MYO18A: variants seen among roughly 807,000 people sequenced by gnomAD.
MYO18A encodes the protein myosin XVIIIA.
Under a neutral mutation model 235.8 loss-of-function variants are expected in MYO18A, and 78 were observed. The ratio of observed to expected loss-of-function variants is 0.33; its 90% CI spans 0.28 to 0.40. MYO18A has a LOEUF of 0.40. MYO18A is among the 10% of genes least tolerant of loss of function. MYO18A has a pLI of 1.00. For missense variants in MYO18A, 2,215 were observed against 2,699.3 expected (o/e 0.82, Z 3.98); for synonymous variants, 977 against 1,077.8 (o/e 0.91, Z 1.83).
At chr17:29,139,508 A>T (rs2067684880) in intron 2 of MYO18A, among the ~76,000 whole-genome samples, 1 of 152,040 alleles carries the variant, frequency 6.6e-6, no homozygotes, top group Non-Finnish European at 1.5e-5. Flanking sequence ...GAGCACAGAG[A>T]GATACAAGTA....
At chr17:29,150,010 C>G (rs1181795534) in intron 2 of MYO18A, among the ~76,000 whole-genome samples, 1 of 152,220 alleles carries the variant, frequency 6.6e-6, no homozygotes, top group Non-Finnish European at 1.5e-5. Flanking sequence ...AAAAAGGAAG[C>G]CAGCTTAAGG....
At chr17:29,080,490 A>G (rs879291726) in intron 41 of MYO18A, 150 of 985,998 alleles carry the variant, frequency 1.5e-4, no homozygotes, top group Admixed American at 1.8e-4. Flanking sequence ...GGCGAGAATC[A>G]GGGCTCTCCC....
chr17:29,098,122 C>T lies in MYO18A; in HGVS notation c.3973G>A (p.Glu1325Lys). 6.2e-7 allele frequency: 1 copy of T among 1,613,628 alleles called. No individual in the cohort carries two copies. The highest frequency in any genetic ancestry group is 8.5e-7 in the Non-Finnish European group (1 of 1,179,886). Residue 1325 changes from glutamate (E) to lysine (K), a missense_variant, in exon 25 of 42, where the codon GAG (glutamate) becomes AAG (lysine). Physicochemically the swap from Glu to Lys is moderately conservative, Grantham distance 56. Coordinates refer to ENST00000527372, the MANE Select transcript of MYO18A (RefSeq NM_078471.4). ...ETAERLRAEK[E>K]MKELQTQYDA... is the part of the protein sequence containing the mutation. ...GCCCTCACCTGCAGTTCCTTCATCT[C>T]CTTCTCAGCCCGGAGCCTCTCTGCT...
At chr17:29,090,298 G>C (rs919823736) in intron 36 of MYO18A, 200 bp from the exon 37 acceptor site, 10 of 698,728 alleles carry the variant, frequency 1.4e-5, no homozygotes, top group Non-Finnish European at 2.3e-5. Flanking sequence ...CCTTCAGAGA[G>C]AAAGGAGAAA....
chr17:29,129,489 G>C (rs2067408590), intron 2 of MYO18A, among the ~76,000 whole-genome samples: 1 of 152,206 alleles, frequency 6.6e-6, no homozygotes, highest in South Asian at 2.1e-4. Flanking sequence ...GGCCAGGCTG[G>C]CTAACGGCAG....
intron 7 of MYO18A, 28 bp from the exon 8 acceptor site, chr17:29,119,463 A>C: frequency 6.4e-7 from 1 of 1,570,324 alleles, no homozygotes; most frequent in Admixed American, 1.8e-5. Context: ...CGTGTGGGTA[A>C]GGAGGGTAGT....
chr17:29,139,427 C>G (rs2067682161), intron 2 of MYO18A, among the ~76,000 whole-genome samples: 1 of 152,142 alleles, frequency 6.6e-6, no homozygotes, highest in African/African-American at 2.4e-5. Context: ...TGACCTCTCC[C>G]CCACCCCCGG....
At position 29,095,091 on chromosome 17, in the gene MYO18A, G is replaced by C. The variant is rs749884269; in HGVS notation, c.4386-32C>G. On this transcript the variant is annotated intron_variant, in intron 28 of 41. Transcript: ENST00000527372. ...GGGAGTGTGGCGGCTCCATCAGATG[G>C]GGAAGAGCCAGGGTCCCCCACACAG... 2.5e-5 allele frequency: 38 copies of C among 1,498,504 alleles called. 2 individuals are homozygous for C. In the South Asian group the frequency reaches 5.0e-4, roughly 20 times the overall value. 92.8% of individuals were successfully genotyped at this position (1,498,504 alleles called of 1,614,324 possible). A position where few individuals can be genotyped will look rare whatever the true frequency, so the allele number is the denominator to read the frequency against.
chr17:29,146,093 A>C (rs909698205), intron 2 of MYO18A, among the ~76,000 whole-genome samples: 7 of 152,208 alleles, frequency 4.6e-5, no homozygotes, highest in Non-Finnish European at 8.8e-5. Flanking sequence ...CCCCGTCTCT[A>C]CTAAAAATAC....
chr17:29,124,996 G>A (rs947693484), intron 2 of MYO18A, among the ~76,000 whole-genome samples: 10 of 152,174 alleles, frequency 6.6e-5, no homozygotes, highest in Non-Finnish European at 8.8e-5. Context: ...GCCTCTGGCC[G>A]CAGTCTCTCC....
At chr17:29,080,962 G>T in intron 41 of MYO18A, 5 of 985,492 alleles carry the variant, frequency 5.1e-6, no homozygotes, top group Non-Finnish European at 6.0e-6. Flanking sequence ...CACCACCGAG[G>T]ACGGCCTCTC....
intron 41 of MYO18A, 154 bp from the exon 42 acceptor site, chr17:29,075,068 T>C: frequency 1.2e-6 from 1 of 812,752 alleles, no homozygotes; most frequent in Non-Finnish European, 1.9e-6. Context: ...ACTTAGAAGA[T>C]ACTCAAAATG....
intron 31 of MYO18A, 38 bp downstream of exon 31, chr17:29,093,942 G>T: frequency 7.0e-7 from 1 of 1,437,834 alleles, no homozygotes; most frequent in Non-Finnish European, 9.6e-7. Context: ...ATGGGAACAG[G>T]TGTTTACGCT....
At chr17:29,149,610 C>T (rs1232245511) in intron 2 of MYO18A, among the ~76,000 whole-genome samples, 2 of 152,232 alleles carry the variant, frequency 1.3e-5, no homozygotes, top group African/African-American at 4.8e-5. Context: ...CTGCCAAGAC[C>T]CTGAGTCAAT....
intron 2 of MYO18A, among the ~76,000 whole-genome samples, chr17:29,130,478 A>T (rs778241364): frequency 0.075 from 1,487 of 19,780 alleles, 26 homozygotes; most frequent in African/African-American, 0.26. Flanking sequence ...CCTCTCCCAC[A>T]CACACACACA....
chr17:29,120,958 C>G lies in MYO18A; in HGVS notation c.1585+40G>C. 1.3e-6 allele frequency: 2 copies of G among 1,586,956 alleles called. No individual in the cohort carries two copies. Among genetic ancestry groups the G allele is most frequent in the South Asian group, 2.3e-5 (2 of 87,868 alleles). ...GGTGCTCTCTCCTCACTCCCCTCCC[C>G]TCACCCCACTTTCAGTTTTCTCCCT... On this transcript the variant is annotated intron_variant, in intron 6 of 41. Transcript: ENST00000527372. This position sits in a 1 kb window ranked among gnomAD's most constrained non-coding sequence, Gnocchi z 4.2.
chr17:29,083,989 G>A (rs2066186984), intron 40 of MYO18A, among the ~76,000 whole-genome samples: 1 of 152,176 alleles, frequency 6.6e-6, no homozygotes, highest in Non-Finnish European at 1.5e-5. Context: ...CTTTCATTAA[G>A]GTTATGGCAA....
intron 32 of MYO18A, 85 bp downstream of exon 32, chr17:29,093,238 G>T (rs2066442233): frequency 7.8e-7 from 1 of 1,274,738 alleles, no homozygotes; most frequent in Non-Finnish European, 1.1e-6. Context: ...AGCTCTGTTC[G>T]TGGCTCCCCA....
Position 29,172,861 on chromosome 17 carries a change from G to A in MYO18A, c.-81-5840C>T, listed in dbSNP as rs541680803. ...GCTAGTGCCAAGGATACTATGGACA[G>A]GCAATTTGTAGGGGCAGAAATACAA... is the stretch of plus-strand genomic sequence containing the variant. On this transcript the variant is annotated intron_variant, in intron 1 of 41. Transcript: ENST00000527372. 5.9e-5 allele frequency among the ~76,000 whole-genome samples: 9 copies of A among 152,322 alleles called. No homozygotes were observed. In the South Asian group the frequency reaches 1.9e-3, roughly 32 times the overall value.
Sources: allele counts gnomAD v4.1 joint callset (sites outside exome capture counted in the v4.1 genomes callset), GRCh38; gene constraint gnomAD v4.1.1; non-coding constraint Gnocchi (gnomAD v3.1); transcripts MANE v1.5; gene names NCBI Gene and HGNC (gene_info 2026-07-23, HGNC 2026-07-21).